KIAA1549: variants seen among roughly 807,000 people sequenced by gnomAD.
KIAA1549 encodes the protein UPF0606 protein KIAA1549.
KIAA1549 carries 70 observed loss-of-function variants against 156.4 expected under a neutral mutation model. The observed-to-expected ratio is 0.45, with a 90% confidence interval of 0.37 to 0.55. The LOEUF (loss-of-function observed/expected upper bound fraction) is 0.55, where lower values mean the gene tolerates loss of function less well. Ranked by LOEUF, KIAA1549 falls within the 20% of genes least tolerant of loss-of-function variation. The pLI is 0.00. For synonymous variants in KIAA1549, 1,103 were observed against 1,066.4 expected (o/e 1.03, Z -0.67); for missense variants, 2,428 against 2,540.9 (o/e 0.96, Z 0.96).
intron 15 of KIAA1549, among the ~76,000 whole-genome samples, chr7:138,867,562 A>T (rs201211969): frequency 0.023 from 2,970 of 128,610 alleles, 89 homozygotes; most frequent in East Asian, 0.13. Flanking sequence ...CCCAAAAAAA[A>T]AAAATAATAA....
rs2130379056 is a variant in KIAA1549 at position 138,868,086 on chromosome 7, C to G, written c.4818G>C (p.Gln1606His). Residue 1606 changes from glutamine (Q) to histidine (H), a missense_variant, in exon 15 of 20, where the codon CAG becomes CAC. Transcript: ENST00000422774. ...CAGCGTCGGCAGGACAGCCGTTGAC[C>G]TGGTGTTTCCGGCGAGGCTTGGGAG... ...KRSPKPRRKH[Q>H]VNGCPADAEK... 1.1e-5 allele frequency: 17 copies of G among 1,613,854 alleles called. No individual in the cohort carries two copies. The highest frequency in any genetic ancestry group is 1.4e-5 in the Non-Finnish European group (17 of 1,179,846).
In KIAA1549 at chr7:138,871,206, C is replaced by A; in HGVS notation, c.4502G>T (p.Arg1501Leu). The A allele has an allele frequency of 1.2e-6, 2 of 1,613,262 alleles. No individual in the cohort carries two copies. The highest frequency in any genetic ancestry group is 1.3e-5 in the African/African-American group (1 of 75,036). The change falls in exon 13 of 20, where the codon CGC (arginine) becomes CTC (leucine). Residue 1501 changes from arginine to leucine, a missense_variant. Physicochemically the swap from Arg to Leu is moderately radical, Grantham distance 102. Transcript: ENST00000422774. ...MQPIPAPPVQ[R>L]PSPADRVAES... ...CGCCACTCGGTCGGCTGGGGAGGGG[C>A]GCTGGACGGGAGGTGCCGGGATCGG...
At position 138,908,690 on chromosome 7, in the gene KIAA1549, T is replaced by C. The variant is rs143657107; in HGVS notation, c.3276+301A>G. On this transcript the variant is annotated intron_variant, in intron 5 of 19. Coordinates refer to ENST00000422774, the MANE Select transcript of KIAA1549 (RefSeq NM_001164665.2). ...AACAGTATGGGTAGGCATTCCCCCA[T>C]TGGATATTTAGGTTGATACCATTCC... is the stretch of plus-strand genomic sequence containing the variant. 1.1e-3 allele frequency among the ~76,000 whole-genome samples: 170 copies of C among 152,326 alleles called. 5 individuals are homozygous for C. The East Asian group carries it at 0.026, about 24-fold the overall frequency.
At chr7:138,873,597 AT>A (rs1007284864) in intron 12 of KIAA1549, among the ~76,000 whole-genome samples, 4 of 142,696 alleles carry the variant, frequency 2.8e-5, no homozygotes, top group African/African-American at 1.1e-4. Context: ...GGTGACAGGC[AT>A]TAAAAAAAAA....
chr7:138,972,442 C>T (rs1316192371), intron 1 of KIAA1549, among the ~76,000 whole-genome samples: 1 of 149,426 alleles, frequency 6.7e-6, no homozygotes, highest in Admixed American at 6.7e-5. Context: ...TCCCACTGCT[C>T]CAGCCACGGT....
At chr7:138,862,647 T>C (rs961698693) in intron 15 of KIAA1549, among the ~76,000 whole-genome samples, 3 of 152,302 alleles carry the variant, frequency 2.0e-5, no homozygotes, top group African/African-American at 7.2e-5. Flanking sequence ...AAGGTTTAAA[T>C]TGGCCAGACA....
chr7:138,851,044 C>T (rs1167170679), intron 17 of KIAA1549, among the ~76,000 whole-genome samples: 1 of 152,038 alleles, frequency 6.6e-6, no homozygotes, highest in African/African-American at 2.4e-5. Context: ...CATGTTGTTC[C>T]AATCTTCTAT....
In KIAA1549 at chr7:138,909,046, G is replaced by C; in HGVS notation, c.3221C>G (p.Thr1074Arg). ...GTGTTTTCTCACTTCAAAGAGAGCT[G>C]TCATTAGGCCTTTCTCAATGCGCTG... Reference protein sequence around the residue: ...FTQRIEKGLMTALFEVRKHHQ... With the variant: ...FTQRIEKGLMRALFEVRKHHQ... Residue 1074 changes from threonine to arginine, a missense_variant, in exon 5 of 20, where the codon ACA becomes AGA. This residue lies in a region of KIAA1549 where 762 missense variants were observed against 901.6 expected (regional missense o/e 0.85). Coordinates refer to ENST00000422774, the MANE Select transcript of KIAA1549 (RefSeq NM_001164665.2). 1 of 1,614,008 alleles carries C rather than the reference G, an allele frequency of 6.2e-7. No individual in the cohort carries two copies. Among genetic ancestry groups the C allele is most frequent in the South Asian group, 1.1e-5 (1 of 91,084 alleles).
At chr7:138,873,536 G>C (rs1315044824) in intron 12 of KIAA1549, among the ~76,000 whole-genome samples, 1 of 151,308 alleles carries the variant, frequency 6.6e-6, no homozygotes, top group Non-Finnish European at 1.5e-5. Flanking sequence ...CCTAGAAGTG[G>C]GATCACTTTC....
chr7:138,903,643 G>T lies in KIAA1549; in HGVS notation c.3614C>A (p.Thr1205Asn), dbSNP rs1198765966. 3.1e-6 allele frequency: 5 copies of T among 1,613,398 alleles called. No homozygotes were observed. In the South Asian group the frequency reaches 4.4e-5, roughly 14 times the overall value. The change falls in exon 8 of 20, where the codon ACC becomes AAC. Residue 1205 changes from threonine (T) to asparagine (N), a missense_variant. Thr to Asn is a moderately conservative substitution (Grantham distance 65). Around this residue, in one of 5 missense-constraint regions of KIAA1549, gnomAD observed 762 missense variants for 901.6 expected, o/e 0.85. Transcript: ENST00000422774. The part of the protein sequence containing the change: ...KLAQLLSEVS[T>N]RRRMWRRATV... ...GGCCCTTCTCCACATCCGCCTTCTG[G>T]TGGAAACCTCGCTGAGCAGCTGGGC... is the stretch of plus-strand genomic sequence containing the variant.
At chr7:138,873,711 C>T (rs1811000146) in intron 12 of KIAA1549, among the ~76,000 whole-genome samples, 1 of 151,900 alleles carries the variant, frequency 6.6e-6, no homozygotes, top group Admixed American at 6.6e-5. Flanking sequence ...CTCACCCCCT[C>T]CCACTGTAGT....
In KIAA1549 at chr7:138,918,445, T is replaced by C. The variant is rs1812422105; in HGVS notation, c.1181A>G (p.His394Arg). ...PSDSSKTSEL[H>R]SNSALPGPVD... Reference sequence around the variant, plus strand: ...AGGACCGGGGAGGGCTGAATTGCTATGCAATTCGGATGTTTTGCTGGAGTC... The same window carrying C: ...AGGACCGGGGAGGGCTGAATTGCTACGCAATTCGGATGTTTTGCTGGAGTC... The change falls in exon 2 of 20, where the codon CAT (histidine) becomes CGT (arginine). Residue 394 changes from histidine to arginine, a missense_variant. By Grantham distance (29) the His-to-Arg change is conservative. This residue lies in a region of KIAA1549 where 893 missense variants were observed against 847.9 expected (regional missense o/e 1.05). Coordinates refer to ENST00000422774, the MANE Select transcript of KIAA1549 (RefSeq NM_001164665.2). This position sits in a 1 kb window ranked among gnomAD's most constrained non-coding sequence, Gnocchi z 4.2. 9 of 1,613,804 alleles carry C rather than the reference T, an allele frequency of 5.6e-6. No homozygotes were observed. The highest frequency in any genetic ancestry group is 7.6e-6 in the Non-Finnish European group (9 of 1,179,750).
intron 18 of KIAA1549, 48 bp downstream of exon 18, chr7:138,844,269 A>G: frequency 6.2e-7 from 1 of 1,609,454 alleles, no homozygotes; most frequent in Non-Finnish European, 8.5e-7. Context: ...GTTTCTTTCA[A>G]GTAAATGTCC....
At position 138,918,326 on chromosome 7, in the gene KIAA1549, C is replaced by T; in HGVS notation, c.1300G>A (p.Ala434Thr). ...CTVPSPQQVL[A>T]TSLMEKDVGS... Reference sequence around the variant, plus strand: ...ACGTCTTTCTCCATGAGGCTCGTGGCCAGAACTTGCTGAGGTGAAGGCACA... The same window carrying T: ...ACGTCTTTCTCCATGAGGCTCGTGGTCAGAACTTGCTGAGGTGAAGGCACA... Residue 434 changes from alanine (A) to threonine (T), a missense_variant, in exon 2 of 20, where the codon GCC (alanine) becomes ACC (threonine). Physicochemically the swap from Ala to Thr is moderately conservative, Grantham distance 58. This residue lies in a region of KIAA1549 where 893 missense variants were observed against 847.9 expected (regional missense o/e 1.05). Transcript: ENST00000422774. The surrounding 1 kb of genome is among the most constrained non-coding windows in gnomAD (Gnocchi z 4.2). 6.2e-7 allele frequency: 1 copy of T among 1,613,954 alleles called. No individual in the cohort carries two copies. The highest frequency in any genetic ancestry group is 8.5e-7 in the Non-Finnish European group (1 of 1,179,880).
rs773979108 is a variant in KIAA1549, at chr7:138,868,008, G to A, written c.4896C>T (p.Pro1632=). The change falls in exon 15 of 20, where the codon CCC becomes CCT. Residue 1632 remains proline (P), a synonymous_variant. Coordinates refer to ENST00000422774, the MANE Select transcript of KIAA1549 (RefSeq NM_001164665.2). ...CGATGTAGGCTGAGTTGTGGACGCC[G>A]GGGGGCCTCCTGTAGGTGCCATCGC... ...TDSDGTYRRP[P]GVHNSAYIGC... 6.5e-5 allele frequency: 105 copies of A among 1,613,434 alleles called. No homozygotes were observed. The highest frequency in any genetic ancestry group is 2.5e-4 in the Admixed American group (15 of 59,980).
intron 10 of KIAA1549, among the ~76,000 whole-genome samples, chr7:138,888,112 G>A (rs1811450221): frequency 6.6e-6 from 1 of 152,190 alleles, no homozygotes; most frequent in African/African-American, 2.4e-5. Flanking sequence ...GAAACCCAAG[G>A]TGCCACAATG....
intron 17 of KIAA1549, 126 bp downstream of exon 17, chr7:138,852,097 G>T: frequency 3.3e-6 from 2 of 608,234 alleles, no homozygotes; most frequent in South Asian, 4.6e-5. Context: ...CTTCTGGTTA[G>T]ATCAAGAGAA....
chr7:138,960,344 C>CT (rs1813804431), intron 1 of KIAA1549, among the ~76,000 whole-genome samples: 1 of 151,496 alleles, frequency 6.6e-6, no homozygotes, highest in Non-Finnish European at 1.5e-5. Context: ...GTGTCTCACT[C>CT]TATCATCCTG....
In KIAA1549 at chr7:138,917,092, G is replaced by A. The variant is rs763438366; in HGVS notation, c.2534C>T (p.Pro845Leu). Residue 845 changes from proline to leucine, a missense_variant, in exon 2 of 20, where the codon CCA (proline) becomes CTA (leucine). This residue lies in a region of KIAA1549 where 762 missense variants were observed against 901.6 expected (regional missense o/e 0.85). Transcript: ENST00000422774. Reference sequence around the variant, plus strand: ...TTCAGAAACAAACGAGGATCCTGATGGCAGGTACGCGTCAGTGATCAACAC... The same window carrying A: ...TTCAGAAACAAACGAGGATCCTGATAGCAGGTACGCGTCAGTGATCAACAC... ...GTVLITDAYL[P>L]SGSSFVSEAT... is the part of the protein sequence containing the mutation. 7.5e-6 allele frequency: 12 copies of A among 1,609,602 alleles called. No individual in the cohort carries two copies. The highest frequency in any genetic ancestry group is 9.3e-6 in the Non-Finnish European group (11 of 1,178,026).
Sources: allele counts gnomAD v4.1 joint callset (sites outside exome capture counted in the v4.1 genomes callset), GRCh38; gene constraint gnomAD v4.1.1; regional missense constraint gnomAD v4.1.1; non-coding constraint Gnocchi (gnomAD v3.1); transcripts MANE v1.5; gene names NCBI Gene and HGNC (gene_info 2026-07-23, HGNC 2026-07-21).